BNC2: variants seen among roughly 807,000 people sequenced by gnomAD.
BNC2 encodes the protein zinc finger protein basonuclin-2.
BNC2 carries 20 observed loss-of-function variants against 76.3 expected under a neutral mutation model. That is an observed-to-expected ratio of 0.26 (90% CI 0.18 to 0.38). The LOEUF is 0.38. Among genes scored for constraint, BNC2 ranks in the 10% least tolerant of loss-of-function variants. BNC2 has a pLI of 1.00. For synonymous variants in BNC2, 582 were observed against 514.8 expected (o/e 1.13, Z -1.77); for missense variants, 1,382 against 1,399.8 (o/e 0.99, Z 0.20).
intron 3 of BNC2, among the ~76,000 whole-genome samples, chr9:16,662,364 G>C (rs1267278929): frequency 1.3e-5 from 2 of 152,170 alleles, no homozygotes; most frequent in Non-Finnish European, 2.9e-5. Flanking sequence ...TAAATTCTAG[G>C]AGTCATACCT....
intron 3 of BNC2, among the ~76,000 whole-genome samples, chr9:16,637,865 T>C (rs1284308141): frequency 6.6e-6 from 1 of 152,146 alleles, no homozygotes; most frequent in Non-Finnish European, 1.5e-5. Flanking sequence ...AGATTCAAAA[T>C]GCGAACAGTA....
intron 1 of BNC2, among the ~76,000 whole-genome samples, chr9:16,851,762 T>C (rs1563971344): frequency 6.6e-6 from 1 of 152,148 alleles, no homozygotes; most frequent in East Asian, 1.9e-4. Context: ...AGGAAAAAGT[T>C]ATTCAAAGAT....
In BNC2 at chr9:16,465,936, G is replaced by A. The variant is rs560336860; in HGVS notation, c.670-28412C>T. ...GACTGTTTATCTAGAAAACCCCATCGTCTCAGCCCAAAATCTCCTTAAGCT... is the reference window on the plus strand; with the variant it reads ...GACTGTTTATCTAGAAAACCCCATCATCTCAGCCCAAAATCTCCTTAAGCT... On this transcript the variant is annotated intron_variant, in intron 5 of 6. Transcript: ENST00000380672. 1.2e-3 allele frequency among the ~76,000 whole-genome samples: 181 copies of A among 145,714 alleles called. 1 individual carries two copies. The highest frequency in any genetic ancestry group is 4.2e-3 in the African/African-American group (163 of 38,782).
At chr9:16,490,820 A>T (rs1031551413) in intron 5 of BNC2, among the ~76,000 whole-genome samples, 5 of 152,246 alleles carry the variant, frequency 3.3e-5, no homozygotes, top group African/African-American at 1.2e-4. Context: ...ACACAACTAC[A>T]TAACAATAAA....
At chr9:16,762,574 C>A (rs555846274) in intron 1 of BNC2, among the ~76,000 whole-genome samples, 92 of 152,258 alleles carry the variant, frequency 6.0e-4, no homozygotes, top group Middle Eastern at 3.4e-3. Context: ...GGAAATAACA[C>A]GAAGTAGACT....
intron 1 of BNC2, among the ~76,000 whole-genome samples, chr9:16,788,046 C>T (rs1826345500): frequency 6.6e-6 from 1 of 152,118 alleles, no homozygotes; most frequent in South Asian, 2.1e-4. Flanking sequence ...TACCCTCAAA[C>T]ATACAGTTCC....
At chr9:16,698,072 T>C (rs77174960) in intron 3 of BNC2, among the ~76,000 whole-genome samples, 1,816 of 152,270 alleles carry the variant, frequency 0.012, 39 homozygotes, top group African/African-American at 0.04. Flanking sequence ...AAAGTTTTAT[T>C]GAAATAGAGC....
intron 5 of BNC2, among the ~76,000 whole-genome samples, chr9:16,490,811 C>G (rs10962451): frequency 0.035 from 5,345 of 152,216 alleles, 250 homozygotes; most frequent in African/African-American, 0.11. Flanking sequence ...AGGAGATAAA[C>G]ACAACTACAT....
At chr9:16,566,707 G>A (rs980890332) in intron 4 of BNC2, among the ~76,000 whole-genome samples, 4 of 152,170 alleles carry the variant, frequency 2.6e-5, no homozygotes, top group South Asian at 4.1e-4. Context: ...TGATCAATAC[G>A]CTAGACTGAT....
At chr9:16,532,428 TC>T (rs1181224702) in intron 5 of BNC2, among the ~76,000 whole-genome samples, 1 of 152,102 alleles carries the variant, frequency 6.6e-6, no homozygotes. Flanking sequence ...CTGCTTTTCC[TC>T]CCTGGGCACG....
chr9:16,848,885 C>A (rs1819056985), intron 1 of BNC2, among the ~76,000 whole-genome samples: 1 of 152,118 alleles, frequency 6.6e-6, no homozygotes, highest in African/African-American at 2.4e-5. Flanking sequence ...TTAATTCAGG[C>A]ATAAAATGTA....
intron 5 of BNC2, among the ~76,000 whole-genome samples, chr9:16,522,911 A>C (rs1817663891): frequency 6.6e-6 from 1 of 152,158 alleles, no homozygotes; most frequent in Non-Finnish European, 1.5e-5. Context: ...GTCATCTATC[A>C]AGCCTAAAAC....
intron 1 of BNC2, among the ~76,000 whole-genome samples, chr9:16,777,321 G>C (rs557439423): frequency 6.6e-6 from 1 of 152,170 alleles, no homozygotes; most frequent in East Asian, 1.9e-4. Context: ...TGCCACATGA[G>C]TTGTAATATT....
At chr9:16,692,639 T>G (rs182877663) in intron 3 of BNC2, among the ~76,000 whole-genome samples, 6 of 152,074 alleles carry the variant, frequency 3.9e-5, no homozygotes, top group African/African-American at 1.4e-4. Context: ...GGAAGCCGCA[T>G]AGGGGAAAGG....
intron 1 of BNC2, among the ~76,000 whole-genome samples, chr9:16,739,435 G>C (rs1014812321): frequency 6.6e-6 from 1 of 152,340 alleles, no homozygotes; most frequent in Middle Eastern, 3.4e-3. Flanking sequence ...GTGGAAAGCC[G>C]AGGCGGGCAG....
intron 5 of BNC2, among the ~76,000 whole-genome samples, chr9:16,459,688 C>T (rs1821532370): frequency 2.0e-5 from 3 of 152,030 alleles, no homozygotes; most frequent in South Asian, 2.1e-4. Flanking sequence ...ACAGTGAAGA[C>T]GGAGGCTGGT....
At chr9:16,514,920 T>C (rs57014573) in intron 5 of BNC2, among the ~76,000 whole-genome samples, 12,127 of 152,260 alleles carry the variant, frequency 0.08, 1,413 homozygotes, top group African/African-American at 0.25. Context: ...ATTCCAATTA[T>C]TGAACTCCAA....
At chr9:16,758,862 A>C (rs2135361466) in intron 1 of BNC2, among the ~76,000 whole-genome samples, 1 of 152,332 alleles carries the variant, frequency 6.6e-6, no homozygotes, top group African/African-American at 2.4e-5. Flanking sequence ...AAATCTTTGA[A>C]GAATCAACTG....
intron 5 of BNC2, among the ~76,000 whole-genome samples, chr9:16,516,001 A>T (rs1817410601): frequency 6.6e-6 from 1 of 152,134 alleles, no homozygotes; most frequent in African/African-American, 2.4e-5. Flanking sequence ...TCTGCCAAAG[A>T]TTGCAAACTG....
Sources: gnomAD v4.1 joint callset for allele counts (sites outside exome capture counted in the v4.1 genomes callset) on GRCh38, gnomAD v4.1.1 for gene constraint, MANE v1.5 for transcripts, NCBI Gene and HGNC (gene_info 2026-07-23, HGNC 2026-07-21) for gene names.